Variants in SDK2 observed in about 807,000 individuals in gnomAD.
SDK2 encodes protein sidekick-2.
A neutral mutation model predicts 253.9 loss-of-function variants in SDK2; 105 were observed. The observed-to-expected ratio is 0.41, with a 90% CI of 0.35 to 0.49. The LOEUF (loss-of-function observed/expected upper bound fraction) is 0.49, where lower values mean the gene tolerates loss of function less well. Among genes scored for constraint, SDK2 ranks in the 20% least tolerant of loss-of-function variants. SDK2 has a pLI of 0.06. For missense variants in SDK2, 2,608 were observed against 3,003.0 expected, an observed-to-expected ratio of 0.87 and a Z score of 3.07; for synonymous variants, 1,249 against 1,234.9, an observed-to-expected ratio of 1.01 and a Z score of -0.24.
chr17:73,367,594 C>T (rs2062696772), intron 37 of SDK2, among the ~76,000 whole-genome samples: 1 of 152,110 alleles, frequency 6.6e-6, no homozygotes, highest in South Asian at 2.1e-4. Context: ...CCTCCACCTC[C>T]CGGGTTCAAG....
In SDK2 at chr17:73,534,188, C is replaced by A. The variant is rs922731677; in HGVS notation, c.65-26591G>T. Among the ~76,000 whole-genome samples, 1 of 152,138 alleles carries A rather than the reference C, an allele frequency of 6.6e-6. No individual in the cohort carries two copies. Among genetic ancestry groups the A allele is most frequent in the Non-Finnish European group, 1.5e-5 (1 of 68,036 alleles). Reference sequence around the variant, plus strand: ...ACCACGGGACAATGCAGTGCAATGGCTGGTAGGAGAGACTCAGTACATCCT... The same window carrying A: ...ACCACGGGACAATGCAGTGCAATGGATGGTAGGAGAGACTCAGTACATCCT... On this transcript the variant is annotated intron_variant, in intron 1 of 44. Coordinates refer to ENST00000392650, the MANE Select transcript of SDK2 (RefSeq NM_001144952.2). The surrounding 1 kb of genome is among the most constrained non-coding windows in gnomAD (Gnocchi z 4.9).
At chr17:73,491,204 AT>A in intron 2 of SDK2, among the ~76,000 whole-genome samples, 1 of 152,128 alleles carries the variant, frequency 6.6e-6, no homozygotes, top group East Asian at 1.9e-4. Flanking sequence ...TGCTCTCAGC[AT>A]CCTCTAACAG....
At chr17:73,409,697 G>A (rs919460765) in intron 18 of SDK2, among the ~76,000 whole-genome samples, 13 of 152,062 alleles carry the variant, frequency 8.5e-5, no homozygotes, top group Admixed American at 4.6e-4. Context: ...GGTATACAAG[G>A]GACAAACACT....
chr17:73,530,702 A>C (rs2064163087), intron 1 of SDK2, among the ~76,000 whole-genome samples: 1 of 152,158 alleles, frequency 6.6e-6, no homozygotes, highest in African/African-American at 2.4e-5. Flanking sequence ...TTACAGTCTC[A>C]ATTACCCCTG....
chr17:73,398,840 G>C (rs1228704857), intron 22 of SDK2, among the ~76,000 whole-genome samples: 1 of 152,130 alleles, frequency 6.6e-6, no homozygotes, highest in African/African-American at 2.4e-5. Context: ...CTGGGGTAGG[G>C]GCACAGGTGT....
At chr17:73,464,402 T>C (rs1215496933) in intron 3 of SDK2, among the ~76,000 whole-genome samples, 1 of 152,256 alleles carries the variant, frequency 6.6e-6, no homozygotes, top group East Asian at 1.9e-4. Context: ...TCATTCACCA[T>C]GATGGTGAGG....
At chr17:73,377,908 G>A (rs571921156) in intron 36 of SDK2, among the ~76,000 whole-genome samples, 21 of 150,374 alleles carry the variant, frequency 1.4e-4, no homozygotes, top group African/African-American at 3.9e-4. Flanking sequence ...CACCGCACCC[G>A]GCCTGCCTGC....
intron 3 of SDK2, among the ~76,000 whole-genome samples, chr17:73,456,785 C>T (rs1599583828): frequency 6.6e-6 from 1 of 152,340 alleles, no homozygotes; most frequent in Admixed American, 6.5e-5. Flanking sequence ...GTAGGAAACT[C>T]TTCAGCCAGC....
intron 1 of SDK2, among the ~76,000 whole-genome samples, chr17:73,545,923 T>C (rs2044955851): frequency 6.6e-6 from 1 of 151,966 alleles, no homozygotes. Flanking sequence ...AGTTAGGAGG[T>C]GGCCAGGGTG....
At position 73,568,304 on chromosome 17, in the gene SDK2, A is replaced by G. The variant is rs1203016681; in HGVS notation, c.65-60707T>C. Among the ~76,000 whole-genome samples, 3 of 152,246 alleles carry G rather than the reference A, an allele frequency of 2.0e-5. No homozygotes were observed. In the East Asian group the frequency reaches 5.8e-4, roughly 29 times the overall value. Reference sequence around the variant, plus strand: ...AACTGCTCCCTCTTTTCTTTCTGCCAGTGAGTGGAAGCTTCTTGAGCCCCT... The same window carrying G: ...AACTGCTCCCTCTTTTCTTTCTGCCGGTGAGTGGAAGCTTCTTGAGCCCCT... On this transcript the variant is annotated intron_variant, in intron 1 of 44. Coordinates refer to ENST00000392650, the MANE Select transcript of SDK2 (RefSeq NM_001144952.2).
intron 33 of SDK2, 78 bp from the exon 34 acceptor site, chr17:73,381,028 C>G (rs189138070): frequency 1.1e-6 from 1 of 881,826 alleles, no homozygotes; most frequent in Admixed American, 2.2e-5. Context: ...ACATCCCCAC[C>G]CCACAAAGAA....
chr17:73,404,286 C>T (rs767668986), intron 18 of SDK2, among the ~76,000 whole-genome samples: 5 of 152,060 alleles, frequency 3.3e-5, no homozygotes, highest in Non-Finnish European at 7.4e-5. Context: ...TCCAGTTGCA[C>T]GTGGAGAGGA....
At chr17:73,366,480 G>A (rs937303285) in intron 37 of SDK2, among the ~76,000 whole-genome samples, 1 of 152,182 alleles carries the variant, frequency 6.6e-6, no homozygotes, top group Admixed American at 6.5e-5. Flanking sequence ...AGGAACTGAT[G>A]CCACAGGTGT....
rs897632543 is a variant in SDK2 at position 73,466,723 on chromosome 17, C to T, written c.331+5389G>A. Among the ~76,000 whole-genome samples the T allele has an allele frequency of 1.4e-5, 2 of 146,790 alleles. 1 individual carries two copies. The highest frequency in any genetic ancestry group is 3.0e-5 in the Non-Finnish European group (2 of 65,760). ...TGGAGGCTCTGGGGAACGCCCCCCC[C>T]CCCCGGCTTAGGCTCTGCATCTTTG... On this transcript the variant is annotated intron_variant, in intron 3 of 44. Coordinates refer to ENST00000392650, the MANE Select transcript of SDK2 (RefSeq NM_001144952.2).
rs916015991 is a variant in SDK2, at chr17:73,642,929, G to C, written c.64+1096C>G. ...TGGGGAGTGGGTTGCAGCCCCCACAGTCCGGACCCCTAGGGTGGGTCTGGC... is the reference window on the plus strand; with the variant it reads ...TGGGGAGTGGGTTGCAGCCCCCACACTCCGGACCCCTAGGGTGGGTCTGGC... On this transcript the variant is annotated intron_variant, in intron 1 of 44. Transcript: ENST00000392650. This position sits in a 1 kb window ranked among gnomAD's most constrained non-coding sequence, Gnocchi z 4.7. The C allele has an allele frequency of 2.0e-5, 3 of 152,232 alleles. No homozygotes were observed. Among genetic ancestry groups the C allele is most frequent in the African/African-American group, 7.2e-5 (3 of 41,424 alleles). The allele number at this position is 152,232 out of a possible 1,614,324, so 9.4% of individuals were successfully genotyped here.
At chr17:73,418,847 C>T (rs971926748) in intron 16 of SDK2, among the ~76,000 whole-genome samples, 1 of 152,134 alleles carries the variant, frequency 6.6e-6, no homozygotes, top group Non-Finnish European at 1.5e-5. Context: ...ATGGAATATT[C>T]GCGGCTTCCC....
chr17:73,512,471 G>A (rs2063988213), intron 1 of SDK2, among the ~76,000 whole-genome samples: 1 of 151,584 alleles, frequency 6.6e-6, no homozygotes, highest in African/African-American at 2.4e-5. Flanking sequence ...TGAGAAGGAA[G>A]GAGAATTGTG....
chr17:73,398,026 G>C lies in SDK2; in HGVS notation c.3354+9C>G, dbSNP rs1208910147. ...AGAGGTCCCACCCCTGCCCTCGAGGGAGCCTTACCATCCAGCGCAGCCACA... is the reference window on the plus strand; with the variant it reads ...AGAGGTCCCACCCCTGCCCTCGAGGCAGCCTTACCATCCAGCGCAGCCACA... On this transcript the variant is annotated intron_variant, in intron 24 of 44. Transcript: ENST00000392650. The C allele has an allele frequency of 3.1e-6, 5 of 1,609,656 alleles. No homozygotes were observed. The Admixed American group carries it at 5.0e-5, about 16-fold the overall frequency.
chr17:73,401,822 T>C lies in SDK2; in HGVS notation c.2681-70A>G, dbSNP rs79476391. 3.2e-3 allele frequency: 4,660 copies of C among 1,445,470 alleles called. 87 individuals carry two copies. The East Asian group carries it at 0.046, about 14-fold the overall frequency. The allele number at this position is 1,445,470 out of a possible 1,614,324, so 89.5% of individuals were successfully genotyped here. ...CAGAGAGAGACCACCATCTGTGAGA[T>C]AGCCTGTGGTAATCTGGGGGTATCT... On this transcript the variant is annotated intron_variant, in intron 19 of 44. Coordinates refer to ENST00000392650, the MANE Select transcript of SDK2 (RefSeq NM_001144952.2).
Sources: gnomAD v4.1 joint callset for allele counts (sites outside exome capture counted in the v4.1 genomes callset) on GRCh38, gnomAD v4.1.1 for gene constraint, Gnocchi (gnomAD v3.1) non-coding constraint, MANE v1.5 for transcripts, NCBI Gene and HGNC (gene_info 2026-07-23, HGNC 2026-07-21) for gene names.